The following CBY1 variants were observed in gnomAD, a reference collection of about 807,000 sequenced individuals.
The protein encoded by CBY1 is protein chibby homolog 1.
CBY1 carries 10 observed loss-of-function variants against 15.6 expected under a neutral mutation model. The observed-to-expected ratio is 0.64, with a 90% CI of 0.40 to 1.09. The LOEUF (loss-of-function observed/expected upper bound fraction) is 1.09, where lower values mean the gene tolerates loss of function less well. Ranked by LOEUF, CBY1 falls within the 50% of genes least tolerant of loss-of-function variation. The pLI, the probability that CBY1 is intolerant of heterozygous loss-of-function variation, is 0.01. For synonymous variants in CBY1, 61 were observed against 63.5 expected (o/e 0.96, Z 0.19); for missense variants, 150 against 160.5 (o/e 0.93, Z 0.35).
intron 1 of CBY1, chr22:38,656,977 T>A (rs1213939194): frequency 6.0e-6 from 1 of 167,446 alleles, no homozygotes. Context: ...GATGATTGCA[T>A]GAGATCGTGC....
rs2092451992 is a variant in CBY1 at position 38,671,354 on chromosome 22, T to C, written c.303+166T>C. ...CAAGACACAGTTCCTGCCCTCACAGTGTAGAGGCAGGTGGACCGACCGTAA... is the reference window on the plus strand; with the variant it reads ...CAAGACACAGTTCCTGCCCTCACAGCGTAGAGGCAGGTGGACCGACCGTAA... On this transcript the variant is annotated intron_variant, in intron 4 of 4. Transcript: ENST00000216029. 7 of 645,134 alleles carry C rather than the reference T, an allele frequency of 1.1e-5. No individual in the cohort carries two copies. The East Asian group carries it at 1.8e-4, about 17-fold the overall frequency. The allele number at this position is 645,134 out of a possible 1,614,324, so 40.0% of individuals were successfully genotyped here.
intron 1 of CBY1, among the ~76,000 whole-genome samples, chr22:38,661,763 T>G (rs1207836183): frequency 5.9e-5 from 9 of 152,210 alleles, no homozygotes; most frequent in Admixed American, 5.9e-4. Context: ...AAAACCTTGT[T>G]TCAAATAGTC....
At chr22:38,668,786 G>C (rs2092444330) in intron 2 of CBY1, 1 of 152,682 alleles carries the variant, frequency 6.5e-6, no homozygotes, top group Non-Finnish European at 1.5e-5. Flanking sequence ...AGGCTGTGGG[G>C]GCTGAGCATT....
intron 1 of CBY1, among the ~76,000 whole-genome samples, chr22:38,660,443 C>A (rs1174437828): frequency 6.6e-6 from 1 of 152,064 alleles, no homozygotes; most frequent in East Asian, 1.9e-4. Flanking sequence ...GATCCACCTG[C>A]CTCGGCCTCC....
At chr22:38,664,482 A>AG (rs2092430767) in intron 1 of CBY1, among the ~76,000 whole-genome samples, 1 of 151,924 alleles carries the variant, frequency 6.6e-6, no homozygotes, top group Admixed American at 6.6e-5. Context: ...AAAAAAAAAA[A>AG]AAAAAGCAAA....
At position 38,668,001 on chromosome 22, in the gene CBY1, C is replaced by CTT. The variant is rs1330041481; in HGVS notation, c.-38-12_-38-11dup. 2 of 1,532,338 alleles carry CTT rather than the reference C, an allele frequency of 1.3e-6. No homozygotes were observed. Among genetic ancestry groups the CTT allele is most frequent in the Non-Finnish European group, 1.8e-6 (2 of 1,108,180 alleles). 94.9% of individuals were successfully genotyped at this position (1,532,338 alleles called of 1,614,324 possible). ...GTGATCCAGCTGCTTGTACCCCTGACTTTTTCTGACCCTAGGAGAAGGGAG... is the reference window on the plus strand; with the variant it reads ...GTGATCCAGCTGCTTGTACCCCTGACTTTTTTTCTGACCCTAGGAGAAGGGAG... On this transcript the variant is annotated splice_polypyrimidine_tract_variant and intron_variant, in intron 1 of 4. Transcript: ENST00000216029.
At chr22:38,668,198 TG>T in intron 2 of CBY1, 66 bp downstream of exon 2, 1 of 941,896 alleles carries the variant, frequency 1.1e-6, no homozygotes, top group South Asian at 1.3e-5. Flanking sequence ...TGTCTCTGAA[TG>T]GAAAGTGTGG....
At chr22:38,661,839 G>A (rs1463415159) in intron 1 of CBY1, among the ~76,000 whole-genome samples, 1 of 152,138 alleles carries the variant, frequency 6.6e-6, no homozygotes, top group East Asian at 1.9e-4. Flanking sequence ...CAGTTAACCC[G>A]TTACTGCTTT....
intron 1 of CBY1, among the ~76,000 whole-genome samples, chr22:38,661,064 C>CTAG (rs1322249364): frequency 2.6e-5 from 4 of 152,136 alleles, no homozygotes; most frequent in Non-Finnish European, 5.9e-5. Flanking sequence ...CCCTCCACTA[C>CTAG]CAAGCTGGAA....
intron 4 of CBY1, among the ~76,000 whole-genome samples, chr22:38,672,413 C>A (rs1173233797): frequency 6.6e-6 from 1 of 152,026 alleles, no homozygotes; most frequent in African/African-American, 2.4e-5. Flanking sequence ...ACTGCAACCT[C>A]TGCCTCCCGG....
intron 1 of CBY1, among the ~76,000 whole-genome samples, chr22:38,658,410 C>T (rs1033840356): frequency 6.6e-6 from 1 of 151,800 alleles, no homozygotes; most frequent in African/African-American, 2.4e-5. Flanking sequence ...AGGCATAAGC[C>T]ACCGTACCTG....
At chr22:38,659,898 T>G (rs568183136) in intron 1 of CBY1, among the ~76,000 whole-genome samples, 3 of 151,474 alleles carry the variant, frequency 2.0e-5, no homozygotes, top group African/African-American at 7.3e-5. Context: ...TGCCACAAAT[T>G]ATTTGGCTAC....
intron 1 of CBY1, 21 bp from the exon 2 acceptor site, chr22:38,667,996 C>T (rs1349805833): frequency 7.1e-7 from 1 of 1,411,454 alleles, no homozygotes; most frequent in African/African-American, 1.4e-5. Context: ...TGCTTGTACC[C>T]CTGACTTTTT....
intron 1 of CBY1, among the ~76,000 whole-genome samples, chr22:38,658,924 ATTTTAT>A (rs953700377): frequency 5.3e-5 from 8 of 151,934 alleles, no homozygotes; most frequent in East Asian, 1.9e-4. Context: ...GCTATTTACA[ATTTTAT>A]TTTTATTTTT....
intron 1 of CBY1, among the ~76,000 whole-genome samples, chr22:38,664,981 C>T (rs1406268362): frequency 6.6e-6 from 1 of 152,122 alleles, no homozygotes; most frequent in East Asian, 1.9e-4. Context: ...GTAGCTAGGA[C>T]TACAAGGGTA....
At chr22:38,657,687 A>G (rs1397752089) in intron 1 of CBY1, among the ~76,000 whole-genome samples, 1 of 152,214 alleles carries the variant, frequency 6.6e-6, no homozygotes, top group Non-Finnish European at 1.5e-5. Flanking sequence ...GGTCATGAGT[A>G]AGGTGCCCAG....
At chr22:38,663,970 C>T (rs1203375170) in intron 1 of CBY1, among the ~76,000 whole-genome samples, 1 of 145,932 alleles carries the variant, frequency 6.9e-6, no homozygotes. Flanking sequence ...TGCAGTGAGC[C>T]AAGATAGCAC....
At chr22:38,669,259 C>G (rs749522738) in intron 2 of CBY1, among the ~76,000 whole-genome samples, 2 of 152,182 alleles carry the variant, frequency 1.3e-5, no homozygotes, top group Non-Finnish European at 2.9e-5. Context: ...GGTGGCCTCA[C>G]TCCAGCTCTC....
rs377129194 is a variant in CBY1 at position 38,657,727 on chromosome 22, C to T, written c.-39+977C>T. On this transcript the variant is annotated intron_variant, in intron 1 of 4. Transcript: ENST00000216029. Reference sequence around the variant, plus strand: ...AGCCCGAGAAGTAAAGCAGCTGGGCCAAGGTCTAGCAGGCAACTGAAGGGG... The same window carrying T: ...AGCCCGAGAAGTAAAGCAGCTGGGCTAAGGTCTAGCAGGCAACTGAAGGGG... Among the ~76,000 whole-genome samples the T allele has an allele frequency of 3.0e-4, 45 of 152,224 alleles. 1 individual carries two copies. The East Asian group carries it at 7.5e-3, about 25-fold the overall frequency.
Sources: allele counts gnomAD v4.1 joint callset (sites outside exome capture counted in the v4.1 genomes callset), GRCh38; gene constraint gnomAD v4.1.1; transcripts MANE v1.5; gene names NCBI Gene and HGNC (gene_info 2026-07-23, HGNC 2026-07-21).